Variants in PTPRD observed in about 807,000 individuals in gnomAD.
PTPRD encodes the protein receptor-type tyrosine-protein phosphatase delta.
A neutral mutation model predicts 214.5 loss-of-function variants in PTPRD; 34 were observed. The ratio of observed to expected loss-of-function variants is 0.16; its 90% CI spans 0.12 to 0.21. The LOEUF is 0.21. Among genes scored for constraint, PTPRD ranks in the 10% least tolerant of loss-of-function variants. PTPRD has a pLI of 1.00. For missense variants in PTPRD, 2,545 were observed against 2,398.7 expected, an observed-to-expected ratio of 1.06 and a Z score of -1.27; for synonymous variants, 1,128 against 845.7, an observed-to-expected ratio of 1.33 and a Z score of -5.79.
intron 14 of PTPRD, among the ~76,000 whole-genome samples, chr9:8,565,968 T>C (rs1413512642): frequency 6.6e-6 from 1 of 152,196 alleles, no homozygotes; most frequent in Non-Finnish European, 1.5e-5. Flanking sequence ...AGGACTGGTT[T>C]TGAAGTATTA....
At chr9:9,157,023 A>C (rs1171136132) in intron 10 of PTPRD, among the ~76,000 whole-genome samples, 1 of 152,220 alleles carries the variant, frequency 6.6e-6, no homozygotes, top group Non-Finnish European at 1.5e-5. Flanking sequence ...TTTTTTGGAC[A>C]AGAATAAATA....
intron 3 of PTPRD, among the ~76,000 whole-genome samples, chr9:10,208,924 A>G (rs1030231996): frequency 6.6e-6 from 1 of 152,208 alleles, no homozygotes; most frequent in African/African-American, 2.4e-5. Context: ...TCATTACGTA[A>G]CAGACACCTT....
intron 2 of PTPRD, among the ~76,000 whole-genome samples, chr9:10,609,040 C>A (rs956442994): frequency 1.3e-5 from 2 of 152,034 alleles, no homozygotes; most frequent in Non-Finnish European, 2.9e-5. Context: ...TTCATTATAA[C>A]TTTTAAATTA....
chr9:10,501,928 T>C (rs833446), intron 2 of PTPRD, among the ~76,000 whole-genome samples: 32,325 of 151,888 alleles, frequency 0.21, 4,134 homozygotes, highest in Admixed American at 0.35. Flanking sequence ...TGAGAGATAC[T>C]GATTTACCTG....
chr9:9,943,556 C>G (rs547351220), intron 4 of PTPRD, among the ~76,000 whole-genome samples: 1 of 152,050 alleles, frequency 6.6e-6, no homozygotes, highest in East Asian at 1.9e-4. Flanking sequence ...CAATGAATAG[C>G]GAACATGTAA....
chr9:8,807,737 A>G (rs1317081194), intron 11 of PTPRD, among the ~76,000 whole-genome samples: 2 of 152,104 alleles, frequency 1.3e-5, no homozygotes, highest in Non-Finnish European at 2.9e-5. Flanking sequence ...TCAGAACTTG[A>G]TCTTACTAAC....
intron 7 of PTPRD, among the ~76,000 whole-genome samples, chr9:9,575,930 T>C (rs751715798): frequency 6.6e-6 from 1 of 151,950 alleles, no homozygotes; most frequent in Non-Finnish European, 1.5e-5. Flanking sequence ...GAAAACTAAA[T>C]ATTTAACCTC....
chr9:8,798,594 A>G (rs535537529), intron 11 of PTPRD, among the ~76,000 whole-genome samples: 5 of 152,236 alleles, frequency 3.3e-5, no homozygotes, highest in Non-Finnish European at 7.3e-5. Context: ...CATATCGTCT[A>G]AAAGCTGTGA....
chr9:9,166,508 G>GC (rs1266442416), intron 10 of PTPRD, among the ~76,000 whole-genome samples: 2 of 152,066 alleles, frequency 1.3e-5, no homozygotes, highest in Admixed American at 6.6e-5. Flanking sequence ...CTCCTGTGTG[G>GC]CTCAAAAGTG....
At chr9:8,466,938 A>C (rs577856365) in intron 31 of PTPRD, among the ~76,000 whole-genome samples, 2 of 151,838 alleles carry the variant, frequency 1.3e-5, no homozygotes, top group Admixed American at 1.3e-4. Flanking sequence ...AAATGGCTTC[A>C]GACTGTATAT....
intron 14 of PTPRD, among the ~76,000 whole-genome samples, chr9:8,604,204 G>T (rs2095058713): frequency 6.6e-6 from 1 of 152,200 alleles, no homozygotes; most frequent in Non-Finnish European, 1.5e-5. Flanking sequence ...GGAGACCCAT[G>T]CATGAAGTAA....
intron 10 of PTPRD, among the ~76,000 whole-genome samples, chr9:9,077,352 A>G (rs974768482): frequency 4.4e-5 from 6 of 137,034 alleles, no homozygotes; most frequent in Non-Finnish European, 9.7e-5. Flanking sequence ...TCATAGAAGC[A>G]GAATGGGGAT....
At chr9:10,296,987 A>T (rs952060762) in intron 3 of PTPRD, among the ~76,000 whole-genome samples, 5 of 151,470 alleles carry the variant, frequency 3.3e-5, no homozygotes, top group African/African-American at 1.2e-4. Context: ...ATGCCCATCC[A>T]CTTCAAACAG....
At chr9:8,638,304 T>C (rs912812477) in intron 12 of PTPRD, among the ~76,000 whole-genome samples, 2 of 152,184 alleles carry the variant, frequency 1.3e-5, no homozygotes, top group African/African-American at 2.4e-5. Context: ...ATCTTCTCTG[T>C]ATTGATTTCA....
chr9:9,609,925 T>G (rs1258382486), intron 7 of PTPRD, among the ~76,000 whole-genome samples: 2 of 152,224 alleles, frequency 1.3e-5, no homozygotes, highest in Non-Finnish European at 2.9e-5. Context: ...TTTAGGCTAA[T>G]ACTCCTGATT....
intron 7 of PTPRD, among the ~76,000 whole-genome samples, chr9:9,644,687 C>T (rs999056647): frequency 1.3e-5 from 2 of 149,198 alleles, no homozygotes; most frequent in Admixed American, 1.4e-4. Context: ...CAGTTATCCC[C>T]ATTTTCCAGC....
At chr9:8,610,665 T>C (rs1052391486) in intron 14 of PTPRD, among the ~76,000 whole-genome samples, 3 of 152,216 alleles carry the variant, frequency 2.0e-5, no homozygotes, top group East Asian at 1.9e-4. Context: ...TTCAGTTCAA[T>C]AGCCAAATGC....
intron 11 of PTPRD, among the ~76,000 whole-genome samples, chr9:8,846,746 G>A (rs964303655): frequency 6.6e-6 from 1 of 152,178 alleles, no homozygotes; most frequent in African/African-American, 2.4e-5. Flanking sequence ...AAGGAGTGGG[G>A]AAGAGAAAAT....
intron 9 of PTPRD, among the ~76,000 whole-genome samples, chr9:9,369,238 G>C (rs979470621): frequency 4.1e-4 from 62 of 152,196 alleles, no homozygotes; most frequent in Non-Finnish European, 7.1e-4. Context: ...GTGTAAAAGT[G>C]TTCCTATTTC....
Sources: gnomAD v4.1 joint callset for allele counts (sites outside exome capture counted in the v4.1 genomes callset) on GRCh38, gnomAD v4.1.1 for gene constraint, MANE v1.5 for transcripts, NCBI Gene and HGNC (gene_info 2026-07-23, HGNC 2026-07-21) for gene names.